The following GLIS3 variants were observed in gnomAD, a reference collection of about 807,000 sequenced individuals.
The protein encoded by GLIS3 is GLIS family zinc finger 3, also known as zinc finger protein GLIS3.
Under a neutral mutation model 78.6 loss-of-function variants are expected in GLIS3, and 53 were observed. That is an observed-to-expected ratio of 0.67 (90% CI 0.54 to 0.85). The LOEUF (loss-of-function observed/expected upper bound fraction) is 0.85, where lower values mean the gene tolerates loss of function less well. Ranked by LOEUF, GLIS3 falls within the 40% of genes least tolerant of loss-of-function variation. The probability of loss-of-function intolerance (pLI) is 0.00; values close to 1 mark genes in which losing one functional copy is unlikely to be tolerated. For synonymous variants in GLIS3, 684 were observed against 509.9 expected (o/e 1.34, Z -4.60); for missense variants, 1,703 against 1,231.1 (o/e 1.38, Z -5.74).
chr9:4,235,510 A>G (rs1032448252), intron 2 of GLIS3, among the ~76,000 whole-genome samples: 4 of 152,214 alleles, frequency 2.6e-5, no homozygotes, highest in Non-Finnish European at 4.4e-5. Context: ...GCAGTGATTT[A>G]GTCCTTTTGG....
intron 4 of GLIS3, among the ~76,000 whole-genome samples, chr9:4,086,064 C>T (rs1433317579): frequency 1.3e-5 from 2 of 152,198 alleles, no homozygotes; most frequent in Non-Finnish European, 2.9e-5. Flanking sequence ...TGTCCTTACA[C>T]GAGTTGTCCA....
chr9:4,055,541 T>A (rs190545939), intron 4 of GLIS3, among the ~76,000 whole-genome samples: 12 of 152,270 alleles, frequency 7.9e-5, no homozygotes, highest in African/African-American at 2.9e-4. Context: ...TGTAGAGAAT[T>A]TGTGACATCA....
chr9:4,468,189 G>A, the GLIS3 span, among the ~76,000 whole-genome samples: 2 of 152,170 alleles, frequency 1.3e-5, no homozygotes, highest in Non-Finnish European at 2.9e-5. Flanking sequence ...GGGCAGAGTG[G>A]AACCAAGTTG....
At chr9:4,288,147 T>C (rs1047615396) in intron 1 of GLIS3, among the ~76,000 whole-genome samples, 1 of 152,224 alleles carries the variant, frequency 6.6e-6, no homozygotes, top group Non-Finnish European at 1.5e-5. Flanking sequence ...GGAGAACTCC[T>C]GTGTGTCACC....
the GLIS3 span, among the ~76,000 whole-genome samples, chr9:4,448,699 A>C: frequency 6.6e-6 from 1 of 152,242 alleles, no homozygotes; most frequent in African/African-American, 2.4e-5. Context: ...AGAAATTCTA[A>C]GAGCCTGTGT....
At chr9:4,312,099 G>C (rs945932871) in intron 2 of GLIS3, among the ~76,000 whole-genome samples, 3 of 152,178 alleles carry the variant, frequency 2.0e-5, no homozygotes, top group African/African-American at 7.2e-5. Context: ...GAGTTTACCT[G>C]TATAACAAAC....
At chr9:3,840,815 G>A (rs1223594080) in intron 9 of GLIS3, among the ~76,000 whole-genome samples, 2 of 152,182 alleles carry the variant, frequency 1.3e-5, no homozygotes, top group South Asian at 2.1e-4. Context: ...AGGCCACAGC[G>A]AGCTGCACTC....
chr9:3,953,723 C>G (rs1304215981), intron 4 of GLIS3, among the ~76,000 whole-genome samples: 1 of 133,204 alleles, frequency 7.5e-6, no homozygotes, highest in East Asian at 2.2e-4. Flanking sequence ...TTGCTGTTGG[C>G]TCTCCTGGAG....
intron 4 of GLIS3, among the ~76,000 whole-genome samples, chr9:4,098,905 T>C (rs1474918222): frequency 1.3e-5 from 2 of 152,172 alleles, no homozygotes; most frequent in Non-Finnish European, 2.9e-5. Flanking sequence ...CATCCAGGTC[T>C]CAATGTGTTG....
chr9:3,921,923 T>TACACACAC (rs6150898), intron 6 of GLIS3, among the ~76,000 whole-genome samples: 8,938 of 149,534 alleles, frequency 0.06, 288 homozygotes, highest in Middle Eastern at 0.093. Flanking sequence ...TCATACTGTG[T>TACACACAC]ACACACACAC....
intron 8 of GLIS3, among the ~76,000 whole-genome samples, chr9:3,865,317 C>G (rs1361006039): frequency 6.6e-6 from 1 of 152,210 alleles, no homozygotes; most frequent in East Asian, 1.9e-4. Context: ...AGTCTCCTGA[C>G]TGTCGCTACG....
At chr9:4,158,155 T>C (rs1370246199) in intron 2 of GLIS3, among the ~76,000 whole-genome samples, 1 of 152,248 alleles carries the variant, frequency 6.6e-6, no homozygotes, top group Non-Finnish European at 1.5e-5. Flanking sequence ...ATGCCTCTTT[T>C]AAGCTGCTAT....
chr9:4,290,368 C>G (rs1828347271), intron 1 of GLIS3, among the ~76,000 whole-genome samples: 1 of 152,116 alleles, frequency 6.6e-6, no homozygotes, highest in African/African-American at 2.4e-5. Context: ...TCTAAGCCAT[C>G]TACAATAAGA....
At chr9:4,132,035 G>A (rs1477294474) in intron 2 of GLIS3, among the ~76,000 whole-genome samples, 4 of 148,740 alleles carry the variant, frequency 2.7e-5, no homozygotes, top group South Asian at 2.1e-4. Context: ...TTAAGTCTAC[G>A]GCCAATGTTT....
At chr9:4,156,704 G>A (rs1475180674) in intron 2 of GLIS3, among the ~76,000 whole-genome samples, 1 of 152,108 alleles carries the variant, frequency 6.6e-6, no homozygotes, top group Non-Finnish European at 1.5e-5. Context: ...GCCCTTTAAG[G>A]GTCATTATGC....
chr9:4,026,703 T>C (rs1351418690), intron 4 of GLIS3, among the ~76,000 whole-genome samples: 2 of 152,230 alleles, frequency 1.3e-5, no homozygotes, highest in African/African-American at 4.8e-5. Flanking sequence ...TCTTTAAGCA[T>C]ATTTATTGGA....
At chr9:4,023,078 T>C (rs1246317588) in intron 4 of GLIS3, among the ~76,000 whole-genome samples, 4 of 152,206 alleles carry the variant, frequency 2.6e-5, no homozygotes, top group Non-Finnish European at 4.4e-5. Context: ...CAGATAAAAC[T>C]TCAACATATT....
intron 9 of GLIS3, among the ~76,000 whole-genome samples, chr9:3,853,593 C>A (rs1819576837): frequency 6.6e-6 from 1 of 152,190 alleles, no homozygotes; most frequent in Admixed American, 6.5e-5. Flanking sequence ...TTCCTAACAA[C>A]TGAAGAGAGA....
chr9:4,387,839 A>C, the GLIS3 span, among the ~76,000 whole-genome samples: 4 of 152,202 alleles, frequency 2.6e-5, no homozygotes, highest in African/African-American at 9.7e-5. Context: ...GAGAATTTAA[A>C]AGTCTGTTGT....
Sources: gnomAD v4.1 joint callset for allele counts (sites outside exome capture counted in the v4.1 genomes callset) on GRCh38, gnomAD v4.1.1 for gene constraint, MANE v1.5 for transcripts, NCBI Gene and HGNC (gene_info 2026-07-23, HGNC 2026-07-21) for gene names.